ARHGEF11: variants seen among roughly 807,000 people sequenced by gnomAD.
ARHGEF11 encodes Rho guanine nucleotide exchange factor 11, also known as Rho guanine exchange factor (GEF) 11.
A neutral mutation model predicts 193.7 loss-of-function variants in ARHGEF11; 55 were observed. The ratio of observed to expected loss-of-function variants is 0.28; its 90% CI spans 0.23 to 0.36. The LOEUF (loss-of-function observed/expected upper bound fraction) is 0.36, where lower values mean the gene tolerates loss of function less well. Ranked by LOEUF, ARHGEF11 falls within the 10% of genes least tolerant of loss-of-function variation. The pLI is 1.00. For missense variants in ARHGEF11, 1,723 were observed against 2,005.6 expected (o/e 0.86, Z 2.69); for synonymous variants, 693 against 768.0 (o/e 0.90, Z 1.62).
chr1:157,031,328 G>T (rs964199979), intron 1 of ARHGEF11, among the ~76,000 whole-genome samples: 2 of 152,098 alleles, frequency 1.3e-5, no homozygotes, highest in African/African-American at 4.8e-5. Flanking sequence ...TCAAGTTCAG[G>T]ATTAGTAAAA....
intron 8 of ARHGEF11, 62 bp from the exon 9 acceptor site, chr1:156,970,105 T>C (rs1185964678): frequency 2.1e-5 from 31 of 1,476,662 alleles, no homozygotes; most frequent in Non-Finnish European, 7.5e-6. Flanking sequence ...ACGGTTTTCT[T>C]TCACCAATCA....
chr1:156,979,619 C>T (rs1184356901), intron 4 of ARHGEF11, among the ~76,000 whole-genome samples: 1 of 152,196 alleles, frequency 6.6e-6, no homozygotes, highest in Non-Finnish European at 1.5e-5. Context: ...CCGTCTTGGC[C>T]TCCCAAAGGG....
chr1:157,001,377 A>C (rs917695923), intron 1 of ARHGEF11, among the ~76,000 whole-genome samples: 3 of 152,172 alleles, frequency 2.0e-5, no homozygotes, highest in African/African-American at 4.8e-5. Context: ...ATCAGAGTCA[A>C]GTTTTCCAGT....
At chr1:156,984,674 G>A (rs1252069171) in intron 2 of ARHGEF11, among the ~76,000 whole-genome samples, 1 of 152,106 alleles carries the variant, frequency 6.6e-6, no homozygotes, top group Non-Finnish European at 1.5e-5. Context: ...CTTCTCTGAG[G>A]TGCTAAAATG....
At chr1:156,943,136 C>T (rs1657415757) in intron 32 of ARHGEF11, among the ~76,000 whole-genome samples, 1 of 147,942 alleles carries the variant, frequency 6.8e-6, no homozygotes, top group African/African-American at 2.6e-5. Flanking sequence ...TCTTGGCTCA[C>T]TGCAACCTGC....
At chr1:156,991,589 G>C (rs1445838505) in intron 1 of ARHGEF11, among the ~76,000 whole-genome samples, 1 of 152,062 alleles carries the variant, frequency 6.6e-6, no homozygotes, top group African/African-American at 2.4e-5. Context: ...CAAAGCACTG[G>C]GATTACAGGC....
intron 5 of ARHGEF11, 34 bp downstream of exon 5, chr1:156,979,195 T>C: frequency 6.2e-7 from 1 of 1,606,010 alleles, no homozygotes; most frequent in Non-Finnish European, 8.5e-7. Context: ...ATCATCTGCT[T>C]CCCTACTTTA....
At chr1:156,959,697 C>A (rs762140472) in intron 15 of ARHGEF11, among the ~76,000 whole-genome samples, 14 of 152,344 alleles carry the variant, frequency 9.2e-5, no homozygotes, top group Non-Finnish European at 1.9e-4. Flanking sequence ...CTCCCCGTCA[C>A]ATGTGCCCGT....
intron 38 of ARHGEF11, 127 bp downstream of exon 38, chr1:156,938,291 C>T: frequency 4.8e-6 from 4 of 826,994 alleles, no homozygotes; most frequent in South Asian, 2.0e-5. Flanking sequence ...TCTTCCTCCT[C>T]CCCATTCCAG....
At chr1:156,944,708 C>T (rs1657798039) in intron 30 of ARHGEF11, among the ~76,000 whole-genome samples, 1 of 152,192 alleles carries the variant, frequency 6.6e-6, no homozygotes. Flanking sequence ...AGATCACATA[C>T]TGCTTTTCCT....
rs1224293451 is a variant in ARHGEF11, at chr1:156,961,896, G to A, written c.1141-121C>T. 29 of 774,792 alleles carry A rather than the reference G, an allele frequency of 3.7e-5. 1 individual carries two copies. In the East Asian group the frequency reaches 5.8e-4, roughly 16 times the overall value. 48.0% of individuals were successfully genotyped at this position (774,792 alleles called of 1,614,324 possible). A position where few individuals can be genotyped will look rare whatever the true frequency, so the allele number is the denominator to read the frequency against. ...GTTGTTACAACTACTGGGCAAGTGCGGTGCTACTGGCATCTAGTGGGTACA... is the reference window on the plus strand; with the variant it reads ...GTTGTTACAACTACTGGGCAAGTGCAGTGCTACTGGCATCTAGTGGGTACA... On this transcript the variant is annotated intron_variant, in intron 13 of 40. Transcript: ENST00000368194.
At position 156,959,102 on chromosome 1, in the gene ARHGEF11, G is replaced by T. The variant is rs1395624875; in HGVS notation, c.1323C>A (p.Leu441=). ...LRNSEDARGV[L]CEAQEAAMPE... ...GCATGGCTGCCTCTTGAGCTTCACA[G>T]AGAACACCACGGGCATCTTCGCTGT... Residue 441 remains leucine, a synonymous_variant, in exon 16 of 41, where the codon CTC becomes CTA. Coordinates refer to ENST00000368194, the MANE Select transcript of ARHGEF11 (RefSeq NM_198236.3). 1 of 1,614,124 alleles carries T rather than the reference G, an allele frequency of 6.2e-7. No individual in the cohort carries two copies. The highest frequency in any genetic ancestry group is 2.2e-5 in the East Asian group (1 of 44,890).
chr1:156,949,163 G>A (rs1658691741), intron 22 of ARHGEF11: 2 of 973,444 alleles, frequency 2.1e-6, no homozygotes, highest in Non-Finnish European at 1.2e-6. Flanking sequence ...GAGCAGACAG[G>A]CTTGTGCTTA....
At chr1:157,036,158 T>C (rs2103052579) in intron 1 of ARHGEF11, among the ~76,000 whole-genome samples, 1 of 142,718 alleles carries the variant, frequency 7.0e-6, no homozygotes, top group African/African-American at 2.5e-5. Flanking sequence ...AATACATATA[T>C]GAATATATAT....
chr1:157,037,403 C>T (rs556879260), intron 1 of ARHGEF11, among the ~76,000 whole-genome samples: 62 of 152,304 alleles, frequency 4.1e-4, no homozygotes, highest in Non-Finnish European at 8.1e-4. Context: ...TCCCTTTCTA[C>T]TACCACATAA....
chr1:156,944,187 G>A (rs1657651330), intron 31 of ARHGEF11, 85 bp from the exon 32 acceptor site: 1 of 1,519,942 alleles, frequency 6.6e-7, no homozygotes, highest in African/African-American at 1.4e-5. Context: ...GCTCTTGGAG[G>A]CTCTAGGAAG....
At chr1:156,969,164 T>C in intron 10 of ARHGEF11, 118 bp downstream of exon 10, 1 of 803,040 alleles carries the variant, frequency 1.2e-6, no homozygotes, top group Middle Eastern at 3.6e-4. Flanking sequence ...TCCTTGGAAC[T>C]AGAACGATGG....
At position 156,974,083 on chromosome 1, in the gene ARHGEF11, T is replaced by C. The variant is rs192841182; in HGVS notation, c.583-2267A>G. On this transcript the variant is annotated intron_variant, in intron 7 of 40. Transcript: ENST00000368194. ...TTTTTTCTTTTTCTTTTTCTTTTTT[T>C]TTTTGAGACAGGGTCTTGCTCTGTC... Among the ~76,000 whole-genome samples the C allele has an allele frequency of 2.6e-3, 402 of 152,192 alleles. 2 individuals carry two copies. The highest frequency in any genetic ancestry group is 4.8e-3 in the Admixed American group (74 of 15,276).
chr1:156,993,163 A>G (rs1393315388), intron 1 of ARHGEF11, among the ~76,000 whole-genome samples: 1 of 152,224 alleles, frequency 6.6e-6, no homozygotes, highest in African/African-American at 2.4e-5. Context: ...GTGTGAACAG[A>G]GAGGTTAAAT....
Sources: gnomAD v4.1 joint callset for allele counts (sites outside exome capture counted in the v4.1 genomes callset) on GRCh38, gnomAD v4.1.1 for gene constraint, MANE v1.5 for transcripts, NCBI Gene and HGNC (gene_info 2026-07-23, HGNC 2026-07-21) for gene names.